Variants in SLC25A25 observed in about 807,000 individuals in gnomAD.
The protein encoded by SLC25A25 is mitochondrial adenyl nucleotide antiporter SLC25A25.
SLC25A25 carries 32 observed loss-of-function variants against 57.7 expected under a neutral mutation model. That is an observed-to-expected ratio of 0.55 (90% CI 0.42 to 0.74). SLC25A25 has a LOEUF of 0.74. SLC25A25 is among the 30% of genes least tolerant of loss of function. The pLI, the probability that SLC25A25 is intolerant of heterozygous loss-of-function variation, is 0.00. For missense variants in SLC25A25, 556 were observed against 701.3 expected, an observed-to-expected ratio of 0.79 and a Z score of 2.34; for synonymous variants, 306 against 291.2, an observed-to-expected ratio of 1.05 and a Z score of -0.52.
In SLC25A25 at chr9:128,102,109, T is replaced by A; in HGVS notation, c.506T>A (p.Val169Asp). ...CGAACGGGCCATTTCTGGGGCCCTG[T>A]CACCTAGTAAGTATCCATGTCGCTC... ...RIRTGHFWGP[V>D]TYMDKNGTMT... is the part of the protein sequence containing the mutation. Residue 169 changes from valine (V) to aspartate (D), a missense_variant, in exon 4 of 11, where the codon GTC (valine) becomes GAC (aspartate). This residue lies in a region of SLC25A25 where 248 missense variants were observed against 273.5 expected (regional missense o/e 0.91). Transcript: ENST00000373069. The surrounding 1 kb of genome is among the most constrained non-coding windows in gnomAD (Gnocchi z 4.1). 2 of 1,550,632 alleles carry A rather than the reference T, an allele frequency of 1.3e-6. No individual in the cohort carries two copies. Among genetic ancestry groups the A allele is most frequent in the Non-Finnish European group, 1.7e-6 (2 of 1,146,992 alleles).
At chr9:128,097,769 AC>A (rs1452931211) in intron 1 of SLC25A25, among the ~76,000 whole-genome samples, 7 of 152,144 alleles carry the variant, frequency 4.6e-5, no homozygotes, top group Admixed American at 1.3e-4. Flanking sequence ...GTGTCCTCTT[AC>A]CAACCCCATC....
rs748536660 is a variant in SLC25A25, at chr9:128,106,445, C to T, written c.1137C>T (p.Ala379=). The T allele has an allele frequency of 2.2e-5, 36 of 1,613,328 alleles. No homozygotes were observed. Among genetic ancestry groups the T allele is most frequent in the East Asian group, 6.7e-5 (3 of 44,894 alleles). Residue 379 remains alanine (A), a synonymous_variant, in exon 9 of 11, where the codon GCC becomes GCT. Coordinates refer to ENST00000373069, the MANE Select transcript of SLC25A25 (RefSeq NM_001330988.2). ...GGATCCTGGCCAGAGAGGGGGTGGC[C>T]GCCTTCTACAAAGGCTATGTCCCCA... ...ARRILAREGV[A]AFYKGYVPNM... is the part of the protein sequence containing the mutation.
chr9:128,108,198 A>C lies in SLC25A25; in HGVS notation c.*754A>C. ...CAGGATGGGCCCCACCTCAGAACCA[A>C]ACTCACTGTCCCCACTGTGGCATGA... On this transcript the variant is annotated 3_prime_UTR_variant, in exon 11 of 11. Coordinates refer to ENST00000373069, the MANE Select transcript of SLC25A25 (RefSeq NM_001330988.2). 2.5e-6 allele frequency: 1 copy of C among 399,220 alleles called. No individual in the cohort carries two copies. 24.7% of individuals were successfully genotyped at this position (399,220 alleles called of 1,614,324 possible). A position where few individuals can be genotyped will look rare whatever the true frequency, so the allele number is the denominator to read the frequency against.
intron 1 of SLC25A25, among the ~76,000 whole-genome samples, chr9:128,069,287 C>T (rs1254861636): frequency 6.6e-6 from 1 of 152,148 alleles, no homozygotes; most frequent in Non-Finnish European, 1.5e-5. Context: ...AATGGTCATC[C>T]CTGGGCCTGC....
chr9:128,089,236 T>C (rs545662483), intron 1 of SLC25A25, among the ~76,000 whole-genome samples: 1 of 152,276 alleles, frequency 6.6e-6, no homozygotes, highest in East Asian at 1.9e-4. Flanking sequence ...GGACTGGCTC[T>C]TCTTTAGTAT....
chr9:128,076,468 AT>A (rs1166642733), intron 1 of SLC25A25, among the ~76,000 whole-genome samples: 3 of 95,016 alleles, frequency 3.2e-5, no homozygotes, highest in African/African-American at 1.6e-4. Flanking sequence ...TTTTATTTTT[AT>A]TTTTATTTTT....
At position 128,068,356 on chromosome 9, in the gene SLC25A25, C is replaced by G. The variant is rs1832825963; in HGVS notation, c.37C>G (p.Pro13Ala). Residue 13 changes from proline (P) to alanine (A), a missense_variant, in exon 1 of 11, where the codon CCG becomes GCG. Coordinates refer to ENST00000373069, the MANE Select transcript of SLC25A25 (RefSeq NM_001330988.2). ...SSVLCRCVAS[P>A]PPDAAATAAS... Reference sequence around the variant, plus strand: ...TGTGTTGTGCCGCTGTGTGGCCTCCCCGCCGCCGGACGCCGCCGCCACCGC... The same window carrying G: ...TGTGTTGTGCCGCTGTGTGGCCTCCGCGCCGCCGGACGCCGCCGCCACCGC... The G allele has an allele frequency of 6.5e-7, 1 of 1,540,622 alleles. No individual in the cohort carries two copies. The highest frequency in any genetic ancestry group is 1.4e-5 in the African/African-American group (1 of 70,344).
intron 1 of SLC25A25, among the ~76,000 whole-genome samples, chr9:128,074,663 C>T (rs1054891612): frequency 6.6e-6 from 1 of 151,890 alleles, no homozygotes; most frequent in Non-Finnish European, 1.5e-5. Context: ...GAGCTGAGAT[C>T]GTGCCAACAC....
At chr9:128,098,917 C>G in intron 1 of SLC25A25, 4 of 985,436 alleles carry the variant, frequency 4.1e-6, no homozygotes, top group Non-Finnish European at 4.8e-6. Flanking sequence ...TGTGACTTCC[C>G]AGGAAGGCTG....
intron 1 of SLC25A25, among the ~76,000 whole-genome samples, chr9:128,078,878 C>G (rs1833077082): frequency 6.6e-6 from 1 of 152,216 alleles, no homozygotes; most frequent in South Asian, 2.1e-4. Context: ...GGACACTTAA[C>G]TTGCCTTTAA....
chr9:128,100,164 A>G (rs1410330871), intron 1 of SLC25A25, among the ~76,000 whole-genome samples: 1 of 151,848 alleles, frequency 6.6e-6, no homozygotes, highest in Non-Finnish European at 1.5e-5. Context: ...AATGGGGGAA[A>G]TGACATTTCC....
At chr9:128,075,315 TATAA>T (rs555480900) in intron 1 of SLC25A25, among the ~76,000 whole-genome samples, 1 of 151,738 alleles carries the variant, frequency 6.6e-6, no homozygotes, top group South Asian at 2.1e-4. Context: ...TCAAAATAGA[TATAA>T]ATAGAGAATG....
In SLC25A25 at chr9:128,099,952, C is replaced by T. The variant is rs755719753; in HGVS notation, c.262-1144C>T. Among the ~76,000 whole-genome samples, 7 of 152,082 alleles carry T rather than the reference C, an allele frequency of 4.6e-5. No homozygotes were observed. The highest frequency in any genetic ancestry group is 9.7e-5 in the African/African-American group (4 of 41,396). On this transcript the variant is annotated intron_variant, in intron 1 of 10. Transcript: ENST00000373069. This position sits in a 1 kb window ranked among gnomAD's most constrained non-coding sequence, Gnocchi z 6.8. ...GATTCTCGGTCCCAGTTTTGGGTTC[C>T]GGATTCAGGGCGTTGCTGAGTTGGG...
At position 128,087,671 on chromosome 9, in the gene SLC25A25, A is replaced by G. The variant is rs577554059; in HGVS notation, c.262-13425A>G. The stretch of plus-strand genomic sequence containing the variant: ...ATTTTTTCAGCCCCCTCCTTCATGG[A>G]CTCCAGCTATGGGTGTTAACCTGTT... On this transcript the variant is annotated intron_variant, in intron 1 of 10. Coordinates refer to ENST00000373069, the MANE Select transcript of SLC25A25 (RefSeq NM_001330988.2). 9.2e-5 allele frequency among the ~76,000 whole-genome samples: 14 copies of G among 151,912 alleles called. No individual in the cohort carries two copies. In the South Asian group the frequency reaches 2.9e-3, roughly 32 times the overall value.
Position 128,102,362 on chromosome 9 carries a change from T to C in SLC25A25, c.513-8T>C. ...GGGCACGTGGGCAGCCTCGCCTCTG[T>C]CTTGCAGCATGGATAAAAACGGCAC... On this transcript the variant is annotated splice_polypyrimidine_tract_variant and splice_region_variant and intron_variant, in intron 4 of 10. Transcript: ENST00000373069. The surrounding 1 kb of genome is among the most constrained non-coding windows in gnomAD (Gnocchi z 4.1). 6.2e-7 allele frequency: 1 copy of C among 1,611,628 alleles called. No individual in the cohort carries two copies. Among genetic ancestry groups the C allele is most frequent in the Non-Finnish European group, 8.5e-7 (1 of 1,177,808 alleles).
At chr9:128,081,990 T>C (rs1221014499) in intron 1 of SLC25A25, among the ~76,000 whole-genome samples, 2 of 152,214 alleles carry the variant, frequency 1.3e-5, no homozygotes, top group African/African-American at 4.8e-5. Flanking sequence ...TTGTTACATC[T>C]TAAAATCCTA....
intron 1 of SLC25A25, among the ~76,000 whole-genome samples, chr9:128,093,859 T>C (rs1833483406): frequency 6.6e-6 from 1 of 152,192 alleles, no homozygotes; most frequent in Admixed American, 6.5e-5. Context: ...TTTTGAAAAG[T>C]TCACTTTAGG....
chr9:128,084,845 C>T (rs916186594), intron 1 of SLC25A25, among the ~76,000 whole-genome samples: 1 of 152,172 alleles, frequency 6.6e-6, no homozygotes, highest in Admixed American at 6.6e-5. Context: ...GTGGTTATTT[C>T]TGCAGGTATT....
Position 128,104,071 on chromosome 9 carries a change from A to AATG in SLC25A25, c.783+233_783+235dup, listed in dbSNP as rs202223009. 8.4e-3 allele frequency among the ~76,000 whole-genome samples: 1,275 copies of AATG among 152,276 alleles called. 8 individuals are homozygous for AATG. Among genetic ancestry groups the AATG allele is most frequent in the Middle Eastern group, 0.044 (13 of 294 alleles). On this transcript the variant is annotated intron_variant, in intron 6 of 10. Coordinates refer to ENST00000373069, the MANE Select transcript of SLC25A25 (RefSeq NM_001330988.2). ...CTGAGGCATCACATTACAGGGGCAT[A>AATG]ATGTGGACAGGTGAAGCTAGCGAGA...
Sources: allele counts gnomAD v4.1 joint callset (sites outside exome capture counted in the v4.1 genomes callset), GRCh38; gene constraint gnomAD v4.1.1; regional missense constraint gnomAD v4.1.1; non-coding constraint Gnocchi (gnomAD v3.1); transcripts MANE v1.5; gene names NCBI Gene and HGNC (gene_info 2026-07-23, HGNC 2026-07-21).